RFX2: variants seen among roughly 807,000 people sequenced by gnomAD.
RFX2 encodes the protein regulatory factor X2, also known as DNA-binding protein RFX2.
Under a neutral mutation model 87.8 loss-of-function variants are expected in RFX2, and 20 were observed. The observed-to-expected ratio is 0.23, with a 90% CI of 0.16 to 0.33. The LOEUF is 0.33. RFX2 is among the 10% of genes least tolerant of loss of function. The pLI, the probability that RFX2 is intolerant of heterozygous loss-of-function variation, is 1.00. For synonymous variants in RFX2, 397 were observed against 431.3 expected, an observed-to-expected ratio of 0.92 and a Z score of 0.98; for missense variants, 767 against 1,012.3, an observed-to-expected ratio of 0.76 and a Z score of 3.29.
rs184011360 is a variant in RFX2 at position 6,037,786 on chromosome 19, T to C, written c.522+2194A>G. 1.8e-3 allele frequency among the ~76,000 whole-genome samples: 272 copies of C among 152,312 alleles called. 1 individual carries two copies. The highest frequency in any genetic ancestry group is 6.0e-3 in the African/African-American group (249 of 41,564). On this transcript the variant is annotated intron_variant, in intron 5 of 17. Transcript: ENST00000303657. ...TATAAAGCTATAGTAATTAAGACTA[T>C]GCTACTTGTAAAGGGATAGGCAGAC...
chr19:6,064,869 G>C lies in RFX2; in HGVS notation c.-8-17365C>G, dbSNP rs1419074633. On this transcript the variant is annotated intron_variant, in intron 1 of 17. Transcript: ENST00000303657. The surrounding 1 kb of genome is among the most constrained non-coding windows in gnomAD (Gnocchi z 4.8). Reference sequence around the variant, plus strand: ...ATTTAAGAAGCGGAGAAAGAGCCTAGTTCAAATTCAAGAATTTCCATCTAA... The same window carrying C: ...ATTTAAGAAGCGGAGAAAGAGCCTACTTCAAATTCAAGAATTTCCATCTAA... Among the ~76,000 whole-genome samples the C allele has an allele frequency of 6.6e-6, 1 of 152,172 alleles. No homozygotes were observed. The highest frequency in any genetic ancestry group is 1.5e-5 in the Non-Finnish European group (1 of 68,044).
In RFX2 at chr19:5,995,612, A is replaced by G. The variant is rs1164184581; in HGVS notation, c.2045T>C (p.Leu682Pro). The change falls in exon 17 of 18, where the codon CTG becomes CCG. Residue 682 changes from leucine (L) to proline (P), a missense_variant. Around this residue, in one of 2 missense-constraint regions of RFX2, gnomAD observed 621 missense variants for 873.0 expected, o/e 0.71. Transcript: ENST00000303657. ...FNDLASLSLT[L>P]LDKDDMGDEQ... Reference sequence around the variant, plus strand: ...GCAGACGCACCTACCTTTGTCGAGCAGCGTCAGCGACAGAGAGGCGAGATC... The same window carrying G: ...GCAGACGCACCTACCTTTGTCGAGCGGCGTCAGCGACAGAGAGGCGAGATC... 1 of 1,552,482 alleles carries G rather than the reference A, an allele frequency of 6.4e-7. No homozygotes were observed. Among genetic ancestry groups the G allele is most frequent in the Admixed American group, 2.0e-5 (1 of 51,114 alleles).
At chr19:6,038,078 G>A (rs1479944123) in intron 5 of RFX2, among the ~76,000 whole-genome samples, 1 of 152,016 alleles carries the variant, frequency 6.6e-6, no homozygotes, top group Non-Finnish European at 1.5e-5. Context: ...TGTAATCCCA[G>A]CACTTTGGGA....
At chr19:6,096,504 T>C (rs2088027842) in intron 1 of RFX2, among the ~76,000 whole-genome samples, 1 of 152,202 alleles carries the variant, frequency 6.6e-6, no homozygotes, top group African/African-American at 2.4e-5. Flanking sequence ...TGGAGTGCAG[T>C]GGCGCGATCT....
rs563575976 is a variant in RFX2 at position 6,001,418 on chromosome 19, C to T, written c.1859+397G>A. On this transcript the variant is annotated intron_variant, in intron 15 of 17. Transcript: ENST00000303657. The surrounding 1 kb of genome is among the most constrained non-coding windows in gnomAD (Gnocchi z 5.6). ...CTGGGACCACAGGCACATGCCACCACGTCCAGCTAAGTTTTTTTACTTTTT... is the reference window on the plus strand; with the variant it reads ...CTGGGACCACAGGCACATGCCACCATGTCCAGCTAAGTTTTTTTACTTTTT... Among the ~76,000 whole-genome samples, 3 of 152,194 alleles carry T rather than the reference C, an allele frequency of 2.0e-5. No individual in the cohort carries two copies. Among genetic ancestry groups the T allele is most frequent in the Non-Finnish European group, 4.4e-5 (3 of 68,034 alleles).
rs1332138507 is a variant in RFX2 at position 6,040,928 on chromosome 19, G to A, written c.261-687C>T. ...GAAATAGACACGCACGCACATGCAAGGGTACACACATGAACATGCAAAGCC... is the reference window on the plus strand; with the variant it reads ...GAAATAGACACGCACGCACATGCAAAGGTACACACATGAACATGCAAAGCC... On this transcript the variant is annotated intron_variant, in intron 4 of 17. Coordinates refer to ENST00000303657, the MANE Select transcript of RFX2 (RefSeq NM_000635.4). The surrounding 1 kb of genome is among the most constrained non-coding windows in gnomAD (Gnocchi z 6.1). 2.6e-5 allele frequency among the ~76,000 whole-genome samples: 4 copies of A among 152,226 alleles called. No homozygotes were observed. The East Asian group carries it at 7.7e-4, about 29-fold the overall frequency.
Position 6,024,041 on chromosome 19 carries a change from A to G in RFX2, c.597+2122T>C, listed in dbSNP as rs140484841. On this transcript the variant is annotated intron_variant, in intron 6 of 17. Transcript: ENST00000303657. This position sits in a 1 kb window ranked among gnomAD's most constrained non-coding sequence, Gnocchi z 5.0. The stretch of plus-strand genomic sequence containing the variant: ...GTGGTACACCCGCCTTGGTCTCCCA[A>G]ACTGCTGGGATTACAGGCGTGAGCC... Among the ~76,000 whole-genome samples the G allele has an allele frequency of 3.6e-3, 541 of 152,190 alleles. 1 individual carries two copies. Among genetic ancestry groups the G allele is most frequent in the African/African-American group, 0.011 (463 of 41,530 alleles).
intron 1 of RFX2, among the ~76,000 whole-genome samples, chr19:6,060,310 C>G (rs924359913): frequency 6.6e-6 from 1 of 152,114 alleles, no homozygotes; most frequent in African/African-American, 2.4e-5. Context: ...TGAGACAGAC[C>G]CCAGCAGAAG....
rs1195763260 is a variant in RFX2, at chr19:6,050,719, G to T, written c.-8-3215C>A. On this transcript the variant is annotated intron_variant, in intron 1 of 17. Coordinates refer to ENST00000303657, the MANE Select transcript of RFX2 (RefSeq NM_000635.4). The surrounding 1 kb of genome is among the most constrained non-coding windows in gnomAD (Gnocchi z 4.6). ...AAACTGTCTAATATATATGTAACGA[G>T]AGTCCCAGAAGAGAAAAAGAGAATG... Among the ~76,000 whole-genome samples the T allele has an allele frequency of 1.3e-5, 2 of 152,082 alleles. No individual in the cohort carries two copies. The highest frequency in any genetic ancestry group is 2.9e-5 in the Non-Finnish European group (2 of 68,008).
At position 6,025,159 on chromosome 19, in the gene RFX2, G is replaced by T. The variant is rs184704395; in HGVS notation, c.597+1004C>A. 4.6e-5 allele frequency among the ~76,000 whole-genome samples: 7 copies of T among 152,292 alleles called. 1 individual carries two copies. In the South Asian group the frequency reaches 1.5e-3, roughly 32 times the overall value. On this transcript the variant is annotated intron_variant, in intron 6 of 17. Transcript: ENST00000303657. Reference sequence around the variant, plus strand: ...CTATGTGCAAAACCGAATCAAGAGCGTTTGGGGAGAAGTGAAAGCGATGAG... The same window carrying T: ...CTATGTGCAAAACCGAATCAAGAGCTTTTGGGGAGAAGTGAAAGCGATGAG...
At chr19:6,104,088 G>C (rs2088171252) in intron 1 of RFX2, among the ~76,000 whole-genome samples, 2 of 151,956 alleles carry the variant, frequency 1.3e-5, no homozygotes, top group Admixed American at 1.3e-4. Context: ...ATAAACGGTG[G>C]CACCACAATT....
chr19:6,013,314 T>C lies in RFX2; in HGVS notation c.780-209A>G, dbSNP rs936155783. Among the ~76,000 whole-genome samples the C allele has an allele frequency of 6.6e-6, 1 of 151,514 alleles. No individual in the cohort carries two copies. Among genetic ancestry groups the C allele is most frequent in the Non-Finnish European group, 1.5e-5 (1 of 67,858 alleles). ...GATTCTCCTGCCTCAGCCTCCCAAG[T>C]AGCTGGGATGACAGGCGTGAGCCAT... On this transcript the variant is annotated intron_variant, in intron 7 of 17. Transcript: ENST00000303657. This position sits in a 1 kb window ranked among gnomAD's most constrained non-coding sequence, Gnocchi z 4.1.
At position 6,012,988 on chromosome 19, in the gene RFX2, G is replaced by C; in HGVS notation, c.897C>G (p.Pro299=). 6.5e-7 allele frequency: 1 copy of C among 1,549,836 alleles called. No homozygotes were observed. The change falls in exon 8 of 18, where the codon CCC becomes CCG. Residue 299 remains proline (P), a splice_region_variant and synonymous_variant. Transcript: ENST00000303657. This position sits in a 1 kb window ranked among gnomAD's most constrained non-coding sequence, Gnocchi z 4.6. The part of the protein sequence containing the change: ...AMRQQPMHQK[P]RYRPAQKTDS... Reference sequence around the variant, plus strand: ...TCCCAGCTCGGCCCGGCACCCACCTGGGCTTCTGGTGCATGGGCTGCTGCC... The same window carrying C: ...TCCCAGCTCGGCCCGGCACCCACCTCGGCTTCTGGTGCATGGGCTGCTGCC...
chr19:6,013,271 C>T lies in RFX2; in HGVS notation c.780-166G>A, dbSNP rs1287474702. Among the ~76,000 whole-genome samples, 4 of 151,922 alleles carry T rather than the reference C, an allele frequency of 2.6e-5. No homozygotes were observed. The highest frequency in any genetic ancestry group is 1.9e-4 in the East Asian group (1 of 5,182). ...TGCCATCTCGGCTCACTGCAATCTCCGCCTCCCGGGTTTAAGAGATTCTCC... is the reference window on the plus strand; with the variant it reads ...TGCCATCTCGGCTCACTGCAATCTCTGCCTCCCGGGTTTAAGAGATTCTCC... On this transcript the variant is annotated intron_variant, in intron 7 of 17. Coordinates refer to ENST00000303657, the MANE Select transcript of RFX2 (RefSeq NM_000635.4). The surrounding 1 kb of genome is among the most constrained non-coding windows in gnomAD (Gnocchi z 4.1).
intron 1 of RFX2, among the ~76,000 whole-genome samples, chr19:6,076,604 G>A (rs1250728709): frequency 1.3e-5 from 2 of 152,168 alleles, no homozygotes; most frequent in Non-Finnish European, 2.9e-5. Flanking sequence ...AATGAGAGGA[G>A]TCCTACAAAG....
At position 6,045,052 on chromosome 19, in the gene RFX2, G is replaced by A. The variant is rs1051381570; in HGVS notation, c.91-770C>T. Reference sequence around the variant, plus strand: ...GTGTTTATTGAGAGCTGGGGCTTTCGGAGTCATTGGCTGCAGTGCTGTGAT... The same window carrying A: ...GTGTTTATTGAGAGCTGGGGCTTTCAGAGTCATTGGCTGCAGTGCTGTGAT... On this transcript the variant is annotated intron_variant, in intron 2 of 17. Coordinates refer to ENST00000303657, the MANE Select transcript of RFX2 (RefSeq NM_000635.4). The surrounding 1 kb of genome is among the most constrained non-coding windows in gnomAD (Gnocchi z 5.2). Among the ~76,000 whole-genome samples the A allele has an allele frequency of 7.2e-5, 11 of 152,182 alleles. No individual in the cohort carries two copies. Among genetic ancestry groups the A allele is most frequent in the Admixed American group, 3.3e-4 (5 of 15,278 alleles).
chr19:6,067,381 G>A (rs187389734), intron 1 of RFX2, among the ~76,000 whole-genome samples: 51 of 152,302 alleles, frequency 3.3e-4, no homozygotes, highest in South Asian at 8.3e-4. Flanking sequence ...GGGCTTTGCC[G>A]GGAGGGACTT....
chr19:6,015,128 C>T (rs1056666724), intron 7 of RFX2, among the ~76,000 whole-genome samples: 1 of 152,098 alleles, frequency 6.6e-6, no homozygotes, highest in East Asian at 1.9e-4. Flanking sequence ...GGTCCAGGTA[C>T]AGCAAAAGAC....
intron 1 of RFX2, among the ~76,000 whole-genome samples, chr19:6,079,989 A>T (rs905955467): frequency 6.6e-6 from 1 of 152,020 alleles, no homozygotes; most frequent in Non-Finnish European, 1.5e-5. Flanking sequence ...TTAAAAAAAA[A>T]AAAAGAAAAA....
Sources: gnomAD v4.1 joint callset for allele counts (sites outside exome capture counted in the v4.1 genomes callset) on GRCh38, gnomAD v4.1.1 for gene constraint, gnomAD v4.1.1 regional missense constraint, Gnocchi (gnomAD v3.1) non-coding constraint, MANE v1.5 for transcripts, NCBI Gene and HGNC (gene_info 2026-07-23, HGNC 2026-07-21) for gene names.